Variants in PKP1 observed in about 807,000 individuals in gnomAD.
PKP1 encodes plakophilin 1.
Under a neutral mutation model 76.4 loss-of-function variants are expected in PKP1, and 27 were observed. The observed-to-expected ratio is 0.35, with a 90% CI of 0.26 to 0.49. The LOEUF (loss-of-function observed/expected upper bound fraction) is 0.49. PKP1 is among the 20% of genes least tolerant of loss of function. The pLI, the probability that PKP1 is intolerant of heterozygous loss-of-function variation, is 0.99. For synonymous variants in PKP1, 404 were observed against 384.2 expected (o/e 1.05, Z -0.60); for missense variants, 964 against 955.2 (o/e 1.01, Z -0.12).
rs766882821 is a variant in PKP1 at position 201,324,555 on chromosome 1, G to A, written c.1808G>A (p.Arg603His). ...SGASLLSNMS[R>H]HPLLHRVMGN... is the part of the protein sequence containing the mutation. ...GCCTCCCTCCTGAGCAACATGTCCC[G>A]CCACCCTCTGCTGCACAGAGTGATG... The change falls in exon 10 of 14, where the codon CGC becomes CAC. Residue 603 changes from arginine (R) to histidine (H), a missense_variant. Physicochemically the swap from Arg to His is conservative, Grantham distance 29. Transcript: ENST00000367324. 4.2e-5 allele frequency: 68 copies of A among 1,613,930 alleles called. No individual in the cohort carries two copies. The highest frequency in any genetic ancestry group is 6.6e-5 in the South Asian group (6 of 91,062).
chr1:201,318,946 A>G (rs1656854820), intron 6 of PKP1, 151 bp downstream of exon 6: 1 of 733,214 alleles, frequency 1.4e-6, no homozygotes, highest in Admixed American at 2.0e-5. Context: ...ACAGGGACTC[A>G]GGCCTTCCTA....
Position 201,316,593 on chromosome 1 carries a change from C to T in PKP1, c.742C>T (p.Pro248Ser). 1.9e-6 allele frequency: 3 copies of T among 1,611,998 alleles called. No homozygotes were observed. ...EDIECSGLTIPKAVQYLSSQD... is the reference protein window; with the variant it reads ...EDIECSGLTISKAVQYLSSQD... ...CATCGAGTGCAGTGGGCTGACCATCCCCAAGGCTGTGCAGTACCTGAGCTC... is the reference window on the plus strand; with the variant it reads ...CATCGAGTGCAGTGGGCTGACCATCTCCAAGGCTGTGCAGTACCTGAGCTC... Residue 248 changes from proline (P) to serine (S), a missense_variant, in exon 4 of 14, where the codon CCC (proline) becomes TCC (serine). Physicochemically the swap from Pro to Ser is moderately conservative, Grantham distance 74 (BLOSUM62 -1). Coordinates refer to ENST00000367324, the MANE Select transcript of PKP1 (RefSeq NM_001005337.3).
chr1:201,308,346 C>T (rs1246361141), intron 2 of PKP1, among the ~76,000 whole-genome samples: 2 of 152,238 alleles, frequency 1.3e-5, no homozygotes, highest in Non-Finnish European at 2.9e-5. Context: ...CACAAATTCT[C>T]ACAGTCACAG....
chr1:201,321,787 GAC>G (rs1656948295), intron 7 of PKP1, among the ~76,000 whole-genome samples, 189 bp from the exon 8 acceptor site: 1 of 152,190 alleles, frequency 6.6e-6, no homozygotes, highest in African/African-American at 2.4e-5. Context: ...GCCAGGAAAT[GAC>G]AGATTCAAAC....
At chr1:201,307,305 A>G (rs1656398992) in intron 2 of PKP1, among the ~76,000 whole-genome samples, 1 of 152,050 alleles carries the variant, frequency 6.6e-6, no homozygotes, top group South Asian at 2.1e-4. Context: ...GTGTTCCAGG[A>G]AAAGAAAGGA....
Position 201,325,070 on chromosome 1 carries a change from C to T in PKP1, c.1964C>T (p.Ala655Val). The change falls in exon 11 of 14, where the codon GCC becomes GTC. Residue 655 changes from alanine to valine, a missense_variant. Physicochemically the swap from Ala to Val is moderately conservative, Grantham distance 64 (BLOSUM62 0). Transcript: ENST00000367324. Reference protein sequence around the residue: ...RNLMASQPQLAKQYFSSSMLN... With the variant: ...RNLMASQPQLVKQYFSSSMLN... Reference sequence around the variant, plus strand: ...CTGATGGCCTCGCAGCCACAACTGGCCAAGCAGTACTTCTCCAGCAGCATG... The same window carrying T: ...CTGATGGCCTCGCAGCCACAACTGGTCAAGCAGTACTTCTCCAGCAGCATG... 7 of 1,614,060 alleles carry T rather than the reference C, an allele frequency of 4.3e-6. No homozygotes were observed. Among genetic ancestry groups the T allele is most frequent in the Non-Finnish European group, 5.9e-6 (7 of 1,180,042 alleles).
rs1490226300 is a variant in PKP1, at chr1:201,330,328, G to GTA, written c.*295_*296dup. 5.3e-5 allele frequency: 8 copies of GTA among 152,056 alleles called. No individual in the cohort carries two copies. The highest frequency in any genetic ancestry group is 2.1e-4 in the South Asian group (1 of 4,814). 9.4% of individuals were successfully genotyped at this position (152,056 alleles called of 1,614,324 possible). A position where few individuals can be genotyped will look rare whatever the true frequency, so the allele number is the denominator to read the frequency against. On this transcript the variant is annotated 3_prime_UTR_variant, in exon 14 of 14. Coordinates refer to ENST00000367324, the MANE Select transcript of PKP1 (RefSeq NM_001005337.3). ...TCAATATTTCTTCCTCTGAGAAATG[G>GTA]TATATATATGTGTATAATGTAAGTG...
intron 6 of PKP1, chr1:201,320,002 A>AGCCAG (rs1189256287): frequency 9.5e-7 from 1 of 1,058,132 alleles, no homozygotes; most frequent in Admixed American, 1.8e-5. Flanking sequence ...TTTCAGCCTC[A>AGCCAG]GCCAGGGCCA....
At chr1:201,300,273 A>C (rs1180773714) in intron 2 of PKP1, among the ~76,000 whole-genome samples, 8 of 152,248 alleles carry the variant, frequency 5.3e-5, no homozygotes, top group Admixed American at 3.3e-4. Context: ...AACTGCTGCC[A>C]CTGGGACACT....
At chr1:201,315,587 GT>G in intron 3 of PKP1, among the ~76,000 whole-genome samples, 1 of 152,334 alleles carries the variant, frequency 6.6e-6, no homozygotes, top group East Asian at 1.9e-4. Context: ...CCTGGCCAGG[GT>G]ACAGTGAAGG....
chr1:201,323,219 G>GCAGC, intron 9 of PKP1, 30 bp downstream of exon 9: 1 of 1,605,176 alleles, frequency 6.2e-7, no homozygotes, highest in Non-Finnish European at 8.5e-7. Flanking sequence ...CTCTACTGCA[G>GCAGC]CAGCCCCATC....
intron 1 of PKP1, among the ~76,000 whole-genome samples, chr1:201,291,996 G>A (rs1028721798): frequency 6.6e-6 from 1 of 152,250 alleles, no homozygotes; most frequent in African/African-American, 2.4e-5. Context: ...GCACTCTACA[G>A]GGAGCTTGGA....
chr1:201,328,456 A>T, intron 12 of PKP1: 1 of 434,852 alleles, frequency 2.3e-6, no homozygotes, highest in Non-Finnish European at 4.3e-6. Flanking sequence ...TCTGATTTTG[A>T]TTGTTGCTCT....
intron 8 of PKP1, among the ~76,000 whole-genome samples, 166 bp from the exon 9 acceptor site, chr1:201,322,847 G>A (rs1470055018): frequency 6.6e-6 from 1 of 152,214 alleles, no homozygotes; most frequent in African/African-American, 2.4e-5. Flanking sequence ...ATAGAGGAAA[G>A]GGGTGCAGCG....
At chr1:201,309,366 C>G (rs139908348) in intron 2 of PKP1, among the ~76,000 whole-genome samples, 2 of 152,152 alleles carry the variant, frequency 1.3e-5, no homozygotes, top group Admixed American at 6.5e-5. Context: ...CTTTTCCTGG[C>G]TCACCTCGGG....
chr1:201,302,475 T>C (rs1656258985), intron 2 of PKP1, among the ~76,000 whole-genome samples: 1 of 152,236 alleles, frequency 6.6e-6, no homozygotes, highest in African/African-American at 2.4e-5. Flanking sequence ...GGGTATCTTC[T>C]GGTGCCTTAT....
intron 2 of PKP1, among the ~76,000 whole-genome samples, chr1:201,308,426 G>A (rs2102168480): frequency 6.6e-6 from 1 of 152,268 alleles, no homozygotes; most frequent in Non-Finnish European, 1.5e-5. Context: ...GAGAGCTCAG[G>A]GAAATGACAG....
intron 1 of PKP1, among the ~76,000 whole-genome samples, chr1:201,289,697 C>G (rs1414592151): frequency 1.4e-5 from 1 of 72,692 alleles, no homozygotes; most frequent in African/African-American, 7.9e-5. Context: ...TGCACACACA[C>G]ACACACACAC....
intron 2 of PKP1, among the ~76,000 whole-genome samples, chr1:201,307,141 C>T (rs554634782): frequency 2.0e-5 from 3 of 152,280 alleles, no homozygotes; most frequent in East Asian, 1.9e-4. Flanking sequence ...CTGCTGGTCT[C>T]GGGGTGCTGG....
Sources: allele counts gnomAD v4.1 joint callset (sites outside exome capture counted in the v4.1 genomes callset), GRCh38; gene constraint gnomAD v4.1.1; transcripts MANE v1.5; gene names NCBI Gene and HGNC (gene_info 2026-07-23, HGNC 2026-07-21).